The following DGCR2 variants were observed in gnomAD, a reference collection of about 807,000 sequenced individuals.
DGCR2 encodes the protein integral membrane protein DGCR2/IDD.
A neutral mutation model predicts 51.6 loss-of-function variants in DGCR2; 24 were observed. That is an observed-to-expected ratio of 0.47 (90% CI 0.34 to 0.65). The LOEUF (loss-of-function observed/expected upper bound fraction) is 0.65. DGCR2 is among the 30% of genes least tolerant of loss of function. The pLI, the probability that DGCR2 is intolerant of heterozygous loss-of-function variation, is 0.01. For missense variants in DGCR2, 765 were observed against 772.1 expected (o/e 0.99, Z 0.11); for synonymous variants, 340 against 315.4 (o/e 1.08, Z -0.82).
intron 5 of DGCR2, among the ~76,000 whole-genome samples, chr22:19,062,784 C>CTG (rs2082690519): frequency 7.1e-6 from 1 of 140,458 alleles, no homozygotes; most frequent in Non-Finnish European, 1.6e-5. Context: ...TGCTCACTCT[C>CTG]TCTCTCTCTC....
rs547822715 is a variant in DGCR2 at position 19,105,050 on chromosome 22, C to T, written c.80-15560G>A. Reference sequence around the variant, plus strand: ...TCAAGAAGGGACAGAGGGCCGGGCACGGTGGCTCATGCCTGTAATCCCAGC... The same window carrying T: ...TCAAGAAGGGACAGAGGGCCGGGCATGGTGGCTCATGCCTGTAATCCCAGC... On this transcript the variant is annotated intron_variant, in intron 1 of 9. Transcript: ENST00000263196. 3.9e-5 allele frequency among the ~76,000 whole-genome samples: 6 copies of T among 152,312 alleles called. No homozygotes were observed. The East Asian group carries it at 7.7e-4, about 20-fold the overall frequency.
intron 2 of DGCR2, among the ~76,000 whole-genome samples, chr22:19,077,245 T>C (rs781665599): frequency 6.6e-6 from 1 of 152,230 alleles, no homozygotes; most frequent in Non-Finnish European, 1.5e-5. Context: ...TTTAAGTGTC[T>C]TATGTAAGAA....
At chr22:19,048,718 C>CA (rs2146312787) in intron 6 of DGCR2, 75 bp from the exon 7 acceptor site, 1 of 1,491,436 alleles carries the variant, frequency 6.7e-7, no homozygotes, top group African/African-American at 1.4e-5. Flanking sequence ...GCCACACTGC[C>CA]AAAAAAGGTA....
intron 1 of DGCR2, among the ~76,000 whole-genome samples, chr22:19,091,615 T>C (rs115960669): frequency 2.0e-3 from 298 of 152,116 alleles, no homozygotes; most frequent in African/African-American, 7.0e-3. Context: ...AACAAGCAGA[T>C]AGAAAACCAG....
intron 6 of DGCR2, among the ~76,000 whole-genome samples, chr22:19,052,544 T>A (rs774168975): frequency 5.3e-5 from 8 of 151,546 alleles, no homozygotes; most frequent in Non-Finnish European, 1.2e-4. Context: ...AGCCCAGATG[T>A]CCTTCAACAC....
At chr22:19,039,264 C>T in intron 9 of DGCR2, 143 bp from the exon 10 acceptor site, 1 of 1,018,646 alleles carries the variant, frequency 9.8e-7, no homozygotes. Context: ...GGGTGGCTCC[C>T]CCGGGCCTCA....
chr22:19,045,095 C>T (rs1370785223), intron 7 of DGCR2, among the ~76,000 whole-genome samples: 1 of 152,152 alleles, frequency 6.6e-6, no homozygotes, highest in Non-Finnish European at 1.5e-5. Flanking sequence ...CAAGGTTTTA[C>T]AGTTGTGTCT....
intron 6 of DGCR2, among the ~76,000 whole-genome samples, chr22:19,055,038 C>T (rs1157913464): frequency 6.6e-6 from 1 of 152,152 alleles, no homozygotes; most frequent in Non-Finnish European, 1.5e-5. Flanking sequence ...ACTGCCTGAA[C>T]CCGGGAGGCA....
chr22:19,089,195 G>A (rs901692040), intron 2 of DGCR2, among the ~76,000 whole-genome samples, 173 bp downstream of exon 2: 1 of 152,212 alleles, frequency 6.6e-6, no homozygotes, highest in African/African-American at 2.4e-5. Flanking sequence ...TGCCTAGGTT[G>A]GGCACTTATT....
Position 19,039,060 on chromosome 22 carries a change from T to C in DGCR2, c.1458A>G (p.Glu486=). Residue 486 remains glutamate (E), a synonymous_variant, in exon 10 of 10, where the codon GAA becomes GAG. Coordinates refer to ENST00000263196, the MANE Select transcript of DGCR2 (RefSeq NM_005137.3). ...SLPAPGDGGS[E]GALLRRLEQP... ...GCTCCAGGCGCCGGAGTAATGCACC[T>C]TCACTCCCACCATCCCCAGGGGCTG... 2 of 1,613,186 alleles carry C rather than the reference T, an allele frequency of 1.2e-6. No individual in the cohort carries two copies. Among genetic ancestry groups the C allele is most frequent in the Non-Finnish European group, 1.7e-6 (2 of 1,179,986 alleles).
At chr22:19,074,419 A>G (rs927497680) in intron 2 of DGCR2, among the ~76,000 whole-genome samples, 11 of 151,908 alleles carry the variant, frequency 7.2e-5, no homozygotes, top group African/African-American at 2.7e-4. Flanking sequence ...GATGAAAAAA[A>G]AAAAAAAAAA....
intron 2 of DGCR2, among the ~76,000 whole-genome samples, chr22:19,086,411 A>G (rs2027795): frequency 0.41 from 62,691 of 151,870 alleles, 13,384 homozygotes; most frequent in African/African-American, 0.53. Context: ...CCCGGGAGGC[A>G]GAGCTTGCAG....
chr22:19,062,779 A>ACTCTCTCT (rs11471797), intron 5 of DGCR2, among the ~76,000 whole-genome samples: 3,400 of 127,398 alleles, frequency 0.027, 132 homozygotes, highest in African/African-American at 0.06. Flanking sequence ...ATGCATGCTC[A>ACTCTCTCT]CTCTCTCTCT....
At chr22:19,098,410 A>G (rs1318460937) in intron 1 of DGCR2, among the ~76,000 whole-genome samples, 1 of 152,334 alleles carries the variant, frequency 6.6e-6, no homozygotes, top group East Asian at 1.9e-4. Flanking sequence ...TCTCTCTGCC[A>G]CAGCTGCTCA....
Position 19,048,460 on chromosome 22 carries a change from T to C in DGCR2, c.986A>G (p.Lys329Arg), listed in dbSNP as rs1381806649. 6.2e-7 allele frequency: 1 copy of C among 1,614,202 alleles called. No homozygotes were observed. The highest frequency in any genetic ancestry group is 8.5e-7 in the Non-Finnish European group (1 of 1,180,040). Reference sequence around the variant, plus strand: ...CTCACCTGGGTCCAGACACATGAACTTGCAGCACTCTTTGGGGTCCTTGCG... The same window carrying C: ...CTCACCTGGGTCCAGACACATGAACCTGCAGCACTCTTTGGGGTCCTTGCG... ...QYRKDPKECC[K>R]FMCLDPDGNS... The change falls in exon 7 of 10, where the codon AAG becomes AGG. Residue 329 changes from lysine to arginine, a missense_variant. Physicochemically the swap from Lys to Arg is conservative, Grantham distance 26. This residue lies in a region of DGCR2 where 190 missense variants were observed against 265.2 expected (regional missense o/e 0.72). Transcript: ENST00000263196.
chr22:19,066,843 G>A (rs1169177581), intron 3 of DGCR2, among the ~76,000 whole-genome samples: 1 of 152,238 alleles, frequency 6.6e-6, no homozygotes, highest in Non-Finnish European at 1.5e-5. Flanking sequence ...GGGGAAGGAA[G>A]AACATGGAGC....
chr22:19,059,574 C>T (rs957854392), intron 5 of DGCR2, among the ~76,000 whole-genome samples: 1 of 152,104 alleles, frequency 6.6e-6, no homozygotes, highest in Non-Finnish European at 1.5e-5. Flanking sequence ...GTGCAGAGCC[C>T]TCCTCTCAAG....
chr22:19,078,521 G>A (rs2082903889), intron 2 of DGCR2, among the ~76,000 whole-genome samples: 1 of 152,162 alleles, frequency 6.6e-6, no homozygotes, highest in African/African-American at 2.4e-5. Context: ...TACAAACAGG[G>A]ATAACTTTAC....
intron 6 of DGCR2, among the ~76,000 whole-genome samples, chr22:19,052,440 A>AC (rs60103589): frequency 1.8e-4 from 26 of 144,518 alleles, no homozygotes; most frequent in Non-Finnish European, 3.5e-4. Context: ...ACACACACAC[A>AC]AAAGAAAAAA....
Sources: gnomAD v4.1 joint callset for allele counts (sites outside exome capture counted in the v4.1 genomes callset) on GRCh38, gnomAD v4.1.1 for gene constraint, gnomAD v4.1.1 regional missense constraint, MANE v1.5 for transcripts, NCBI Gene and HGNC (gene_info 2026-07-23, HGNC 2026-07-21) for gene names.